KDM4A: variants seen among roughly 807,000 people sequenced by gnomAD.
The protein encoded by KDM4A is lysine-specific demethylase 4A.
A neutral mutation model predicts 127.1 loss-of-function variants in KDM4A; 23 were observed. That is an observed-to-expected ratio of 0.18 (90% CI 0.13 to 0.26). KDM4A has a LOEUF of 0.26. KDM4A is among the 10% of genes least tolerant of loss of function. The pLI is 1.00. For missense variants in KDM4A, 890 were observed against 1,329.1 expected (o/e 0.67, Z 5.14); for synonymous variants, 443 against 466.5 (o/e 0.95, Z 0.65).
rs1660455343 is a variant in KDM4A, at chr1:43,664,419, GC to G, written c.624-1275del. Among the ~76,000 whole-genome samples the G allele has an allele frequency of 2.6e-5, 4 of 152,252 alleles. No homozygotes were observed. The South Asian group carries it at 8.3e-4, about 32-fold the overall frequency. ...CGTCTCTACTAAAAACACAAAATTA[GC>G]CAGGCGTGGTGTGTTTAGGGAGCTA... is the stretch of plus-strand genomic sequence containing the variant. On this transcript the variant is annotated intron_variant, in intron 5 of 21. Transcript: ENST00000372396.
chr1:43,655,824 C>T, intron 3 of KDM4A, 58 bp downstream of exon 3: 1 of 1,420,744 alleles, frequency 7.0e-7, no homozygotes, highest in East Asian at 2.3e-5. Context: ...GTCTCATCCT[C>T]CTAGCATCTC....
intron 16 of KDM4A, among the ~76,000 whole-genome samples, chr1:43,692,961 A>G (rs535144751): frequency 1.3e-5 from 2 of 152,330 alleles, no homozygotes; most frequent in East Asian, 3.9e-4. Context: ...CGTGCAGGTC[A>G]GTGCTGAGTA....
chr1:43,660,423 C>T lies in KDM4A; in HGVS notation c.429+11C>T. ...ACCCTCTATGAAAAGGTGAGGCTCA[C>T]TGGAAACCCTCTGTGCAGTGTTTTT... is the stretch of plus-strand genomic sequence containing the variant. On this transcript the variant is annotated intron_variant, in intron 4 of 21. Coordinates refer to ENST00000372396, the MANE Select transcript of KDM4A (RefSeq NM_014663.3). 6.3e-7 allele frequency: 1 copy of T among 1,587,950 alleles called. No individual in the cohort carries two copies. Among genetic ancestry groups the T allele is most frequent in the Non-Finnish European group, 8.6e-7 (1 of 1,165,370 alleles).
At chr1:43,703,816 T>C in intron 20 of KDM4A, 80 bp downstream of exon 20, 1 of 1,575,844 alleles carries the variant, frequency 6.3e-7, no homozygotes, top group Non-Finnish European at 8.7e-7. Context: ...AGGCGAGTCT[T>C]TGCTCTTAGG....
Position 43,692,239 on chromosome 1 carries a change from C to G in KDM4A, c.2320-17C>G. On this transcript the variant is annotated splice_polypyrimidine_tract_variant and intron_variant, in intron 15 of 21. Transcript: ENST00000372396. The stretch of plus-strand genomic sequence containing the variant: ...CTTGGTATTAACCACTTTTTCCTCC[C>G]TCTCCTTTCTTGGCAGGACTGCTGT... The G allele has an allele frequency of 6.2e-7, 1 of 1,613,654 alleles. No homozygotes were observed. Among genetic ancestry groups the G allele is most frequent in the Non-Finnish European group, 8.5e-7 (1 of 1,179,564 alleles).
intron 5 of KDM4A, among the ~76,000 whole-genome samples, chr1:43,663,714 C>T (rs1660437311): frequency 6.6e-6 from 1 of 152,136 alleles, no homozygotes; most frequent in Non-Finnish European, 1.5e-5. Context: ...GCCTTGACCT[C>T]CTGGGCTCAA....
chr1:43,701,944 AT>A (rs991044256), intron 19 of KDM4A, among the ~76,000 whole-genome samples: 37 of 152,210 alleles, frequency 2.4e-4, no homozygotes, highest in Non-Finnish European at 3.2e-4. Flanking sequence ...AACATTAATA[AT>A]TTTTTACTGC....
At chr1:43,655,011 A>C (rs1660206934) in intron 2 of KDM4A, among the ~76,000 whole-genome samples, 1 of 151,992 alleles carries the variant, frequency 6.6e-6, no homozygotes, top group African/African-American at 2.4e-5. Flanking sequence ...CCACCACACC[A>C]GGCTAATTTT....
intron 18 of KDM4A, among the ~76,000 whole-genome samples, chr1:43,697,051 A>G (rs1484814482): frequency 6.6e-6 from 1 of 152,242 alleles, no homozygotes; most frequent in African/African-American, 2.4e-5. Context: ...ATGAAGTAGT[A>G]AGGAATGACA....
At chr1:43,656,651 T>G (rs922816529) in intron 3 of KDM4A, among the ~76,000 whole-genome samples, 3 of 151,812 alleles carry the variant, frequency 2.0e-5, no homozygotes, top group African/African-American at 7.3e-5. Context: ...CTCCGCTGTT[T>G]TTAATGTTTA....
chr1:43,682,127 C>A (rs1660872809), intron 11 of KDM4A, among the ~76,000 whole-genome samples: 2 of 152,172 alleles, frequency 1.3e-5, no homozygotes, highest in Admixed American at 1.3e-4. Context: ...TGCCACCACA[C>A]CTGAATTTTT....
Position 43,650,244 on chromosome 1 carries a change from G to C in KDM4A, c.-48G>C, listed in dbSNP as rs1343451071. The C allele has an allele frequency of 6.6e-6, 1 of 152,206 alleles. No individual in the cohort carries two copies. Among genetic ancestry groups the C allele is most frequent in the African/African-American group, 2.4e-5 (1 of 41,442 alleles). 9.4% of individuals were successfully genotyped at this position (152,206 alleles called of 1,614,324 possible). A position where few individuals can be genotyped will look rare whatever the true frequency, so the allele number is the denominator to read the frequency against. On this transcript the variant is annotated 5_prime_UTR_variant, in exon 1 of 22. Coordinates refer to ENST00000372396, the MANE Select transcript of KDM4A (RefSeq NM_014663.3). ...TGAGCCTAAGCCCTGGCGGGGCTTT[G>C]GGCTGTAGGTGAGAACTATAGGGTT...
chr1:43,703,604 C>T lies in KDM4A; in HGVS notation c.2842-13C>T, dbSNP rs140583182. The stretch of plus-strand genomic sequence containing the variant: ...GACGTTCCTTTCACCCTCCTTCCTT[C>T]CTGTTTCCTCAGAGCCAGGACTGTC... On this transcript the variant is annotated splice_polypyrimidine_tract_variant and intron_variant, in intron 19 of 21. Transcript: ENST00000372396. The T allele has an allele frequency of 1.2e-6, 2 of 1,613,568 alleles. No homozygotes were observed. The highest frequency in any genetic ancestry group is 1.3e-5 in the African/African-American group (1 of 75,028).
Position 43,690,983 on chromosome 1 carries a change from T to C in KDM4A, c.2176T>C (p.Tyr726His). 2 of 1,614,174 alleles carry C rather than the reference T, an allele frequency of 1.2e-6. No individual in the cohort carries two copies. Among genetic ancestry groups the C allele is most frequent in the Non-Finnish European group, 1.7e-6 (2 of 1,180,016 alleles). The change falls in exon 14 of 22, where the codon TAT becomes CAT. Residue 726 changes from tyrosine to histidine, a missense_variant. Tyr to His is a moderately conservative substitution (Grantham distance 83). Transcript: ENST00000372396. Reference sequence around the variant, plus strand: ...CACGGACATCAACCTTTCTACTCCTTATCTTGAGGAGGATGGCACCAGCAT... The same window carrying C: ...CACGGACATCAACCTTTCTACTCCTCATCTTGAGGAGGATGGCACCAGCAT... Reference protein sequence around the residue: ...CSTDINLSTPYLEEDGTSILV... With the variant: ...CSTDINLSTPHLEEDGTSILV...
In KDM4A at chr1:43,693,907, G is replaced by A; in HGVS notation, c.2376-87G>A. 9.6e-7 allele frequency: 1 copy of A among 1,037,908 alleles called. No individual in the cohort carries two copies. Among genetic ancestry groups the A allele is most frequent in the Non-Finnish European group, 1.5e-6 (1 of 676,944 alleles). 64.3% of individuals were successfully genotyped at this position (1,037,908 alleles called of 1,614,324 possible). On this transcript the variant is annotated intron_variant, in intron 16 of 21. Coordinates refer to ENST00000372396, the MANE Select transcript of KDM4A (RefSeq NM_014663.3). This position sits in a 1 kb window ranked among gnomAD's most constrained non-coding sequence, Gnocchi z 4.2. ...GGAAGTCAGTGGTCACCCAGGTGAGGGAGGAAGCGCTGTCAGCAGGCCCAA... is the reference window on the plus strand; with the variant it reads ...GGAAGTCAGTGGTCACCCAGGTGAGAGAGGAAGCGCTGTCAGCAGGCCCAA...
Position 43,683,681 on chromosome 1 carries a change from C to T in KDM4A, c.1735-3C>T, listed in dbSNP as rs752089086. On this transcript the variant is annotated splice_polypyrimidine_tract_variant and splice_region_variant and intron_variant, in intron 11 of 21. Transcript: ENST00000372396. Reference sequence around the variant, plus strand: ...CCAATTTAATTTCTTGTGGTTTGCCCAGGTTGCAGATGAATACATGTTTTC... The same window carrying T: ...CCAATTTAATTTCTTGTGGTTTGCCTAGGTTGCAGATGAATACATGTTTTC... 2 of 1,611,766 alleles carry T rather than the reference C, an allele frequency of 1.2e-6. No homozygotes were observed. The highest frequency in any genetic ancestry group is 2.7e-5 in the African/African-American group (2 of 74,820).
chr1:43,658,229 C>T (rs1660293528), intron 3 of KDM4A, among the ~76,000 whole-genome samples: 1 of 151,934 alleles, frequency 6.6e-6, no homozygotes, highest in Admixed American at 6.6e-5. Context: ...ACCACCACGC[C>T]TGGCTAATTT....
At chr1:43,672,683 A>G (rs1660650413) in intron 11 of KDM4A, among the ~76,000 whole-genome samples, 1 of 151,566 alleles carries the variant, frequency 6.6e-6, no homozygotes, top group Non-Finnish European at 1.5e-5. Context: ...TTTAGTAGAG[A>G]CTGGGTTTCA....
chr1:43,691,191 C>T, intron 14 of KDM4A, 142 bp downstream of exon 14: 1 of 857,020 alleles, frequency 1.2e-6, no homozygotes, highest in Non-Finnish European at 1.9e-6. Context: ...TGATTTTTCA[C>T]TGTCTCCAGG....
Sources: gnomAD v4.1 joint callset for allele counts (sites outside exome capture counted in the v4.1 genomes callset) on GRCh38, gnomAD v4.1.1 for gene constraint, Gnocchi (gnomAD v3.1) non-coding constraint, MANE v1.5 for transcripts, NCBI Gene and HGNC (gene_info 2026-07-23, HGNC 2026-07-21) for gene names.